RBMS3: variants seen among roughly 807,000 people sequenced by gnomAD.
RBMS3 encodes the protein RNA-binding motif, single-stranded-interacting protein 3.
RBMS3 carries 27 observed loss-of-function variants against 66.8 expected under a neutral mutation model. The ratio of observed to expected loss-of-function variants is 0.40; its 90% CI spans 0.30 to 0.56. The LOEUF (loss-of-function observed/expected upper bound fraction) is 0.56, where lower values mean the gene tolerates loss of function less well. Among genes scored for constraint, RBMS3 ranks in the 20% least tolerant of loss-of-function variants. The pLI, the probability that RBMS3 is intolerant of heterozygous loss-of-function variation, is 0.40. For synonymous variants in RBMS3, 188 were observed against 183.0 expected (o/e 1.03, Z -0.22); for missense variants, 513 against 549.5 (o/e 0.93, Z 0.66).
intron 14 of RBMS3, among the ~76,000 whole-genome samples, chr3:29,993,904 A>C (rs1382078164): frequency 6.6e-6 from 1 of 152,204 alleles, no homozygotes; most frequent in East Asian, 1.9e-4. Flanking sequence ...TTATTTTAAA[A>C]AATCTCTGTA....
intron 2 of RBMS3, among the ~76,000 whole-genome samples, chr3:29,455,535 G>A (rs2042156872): frequency 6.6e-6 from 1 of 152,106 alleles, no homozygotes; most frequent in African/African-American, 2.4e-5. Flanking sequence ...ACCAGTTAAT[G>A]TGTAACTGTT....
chr3:29,326,604 A>G (rs1344021813), intron 1 of RBMS3, among the ~76,000 whole-genome samples: 1 of 151,632 alleles, frequency 6.6e-6, no homozygotes, highest in Non-Finnish European at 1.5e-5. Context: ...CTTCTGAGTG[A>G]TTGGCAGCAC....
chr3:29,533,957 G>A (rs1293804666), intron 3 of RBMS3, among the ~76,000 whole-genome samples: 3 of 152,160 alleles, frequency 2.0e-5, no homozygotes, highest in Non-Finnish European at 4.4e-5. Flanking sequence ...CACTCCTTAA[G>A]TGACTCCTAA....
At chr3:29,695,134 T>G (rs1321990226) in intron 4 of RBMS3, among the ~76,000 whole-genome samples, 2 of 152,286 alleles carry the variant, frequency 1.3e-5, no homozygotes, top group African/African-American at 2.4e-5. Context: ...GTTTTACTCT[T>G]ACTACTACTG....
At chr3:29,531,726 A>C (rs1028834457) in intron 3 of RBMS3, among the ~76,000 whole-genome samples, 1 of 152,216 alleles carries the variant, frequency 6.6e-6, no homozygotes, top group African/African-American at 2.4e-5. Context: ...GTGCATCTGC[A>C]GGATGTTTTC....
chr3:29,901,788 G>C (rs970838608), intron 10 of RBMS3, among the ~76,000 whole-genome samples: 15 of 151,748 alleles, frequency 9.9e-5, no homozygotes, highest in Non-Finnish European at 2.1e-4. Flanking sequence ...TTATGGCTGG[G>C]GTGGATTCCT....
chr3:29,885,729 C>T (rs1258393528), intron 8 of RBMS3, among the ~76,000 whole-genome samples: 1 of 151,820 alleles, frequency 6.6e-6, no homozygotes, highest in African/African-American at 2.4e-5. Flanking sequence ...ATTTTACATG[C>T]ATGCATATGT....
intron 2 of RBMS3, among the ~76,000 whole-genome samples, chr3:29,457,286 G>T (rs2125772543): frequency 6.6e-6 from 1 of 152,204 alleles, no homozygotes; most frequent in Admixed American, 6.5e-5. Context: ...CTAGGTCTCT[G>T]CAGTCTCTTA....
intron 10 of RBMS3, among the ~76,000 whole-genome samples, chr3:29,925,665 T>C (rs916023488): frequency 1.3e-5 from 2 of 152,114 alleles, no homozygotes; most frequent in Non-Finnish European, 2.9e-5. Context: ...GAAAATTCAC[T>C]CAGAGCCCTG....
chr3:29,728,477 T>C (rs1306313725), intron 4 of RBMS3, among the ~76,000 whole-genome samples: 1 of 152,182 alleles, frequency 6.6e-6, no homozygotes, highest in African/African-American at 2.4e-5. Flanking sequence ...TTGAACACCC[T>C]CAACTCACTG....
At chr3:29,346,558 C>A (rs2036591583) in intron 1 of RBMS3, among the ~76,000 whole-genome samples, 4 of 151,952 alleles carry the variant, frequency 2.6e-5, no homozygotes, top group Non-Finnish European at 4.4e-5. Flanking sequence ...TGCCGACCAC[C>A]ATGCCCAGCT....
chr3:29,498,382 T>C (rs963327619), intron 3 of RBMS3, among the ~76,000 whole-genome samples: 1 of 152,186 alleles, frequency 6.6e-6, no homozygotes, highest in Admixed American at 6.5e-5. Context: ...TGTTCATTAA[T>C]GATTTTATTA....
chr3:29,545,690 C>T (rs537283425), intron 3 of RBMS3, among the ~76,000 whole-genome samples: 2 of 152,220 alleles, frequency 1.3e-5, no homozygotes, highest in South Asian at 4.1e-4. Context: ...TGCTTCTTGC[C>T]TTCTTGTCTT....
intron 2 of RBMS3, among the ~76,000 whole-genome samples, chr3:29,475,425 G>A (rs982465948): frequency 6.6e-6 from 1 of 151,796 alleles, no homozygotes; most frequent in Non-Finnish European, 1.5e-5. Context: ...ATTTTTTGTA[G>A]TTTTCGTAGG....
chr3:29,350,684 T>A (rs1159672805), intron 1 of RBMS3, among the ~76,000 whole-genome samples: 1 of 152,102 alleles, frequency 6.6e-6, no homozygotes, highest in African/African-American at 2.4e-5. Context: ...ATATGGAGTA[T>A]CTTAGTTTCT....
intron 6 of RBMS3, among the ~76,000 whole-genome samples, chr3:29,773,371 A>C (rs944002346): frequency 1.3e-5 from 2 of 152,100 alleles, no homozygotes; most frequent in African/African-American, 4.8e-5. Flanking sequence ...TTTAAAAATT[A>C]AGTGCATTTT....
chr3:29,372,571 A>G (rs1334996621), intron 1 of RBMS3, among the ~76,000 whole-genome samples: 3 of 152,250 alleles, frequency 2.0e-5, no homozygotes, highest in Non-Finnish European at 4.4e-5. Context: ...TGTCTCTTTG[A>G]GCCAATAAGC....
At chr3:29,619,129 G>T (rs2048775024) in intron 4 of RBMS3, among the ~76,000 whole-genome samples, 1 of 151,994 alleles carries the variant, frequency 6.6e-6, no homozygotes, top group African/African-American at 2.4e-5. Context: ...AGGGGAAAGG[G>T]AACAACACAC....
intron 3 of RBMS3, among the ~76,000 whole-genome samples, chr3:29,534,656 G>T (rs1178354993): frequency 6.6e-6 from 1 of 152,068 alleles, no homozygotes; most frequent in Non-Finnish European, 1.5e-5. Flanking sequence ...TAACCTTTTG[G>T]ATCATGAAGA....
Sources: gnomAD v4.1 joint callset for allele counts (sites outside exome capture counted in the v4.1 genomes callset) on GRCh38, gnomAD v4.1.1 for gene constraint, MANE v1.5 for transcripts, NCBI Gene and HGNC (gene_info 2026-07-23, HGNC 2026-07-21) for gene names.